The following HEPH variants were observed in gnomAD, a reference collection of about 807,000 sequenced individuals.
The protein encoded by HEPH is hephaestin.
In HEPH, 69 loss-of-function variants were observed where a neutral mutation model predicts 80.8. The ratio of observed to expected loss-of-function variants is 0.85; its 90% confidence interval spans 0.70 to 1.04. The LOEUF is 1.04. HEPH is among the 50% of genes least tolerant of loss of function. The pLI is 0.00. For missense variants in HEPH, 1,115 were observed against 891.3 expected, an observed-to-expected ratio of 1.25 and a Z score of -3.20; for synonymous variants, 431 against 322.8, an observed-to-expected ratio of 1.34 and a Z score of -3.60.
chrX:66,206,714 C>A (rs1050876445), intron 13 of HEPH, among the ~76,000 whole-genome samples: 2 of 109,713 alleles, frequency 1.8e-5, no homozygotes, highest in East Asian at 5.8e-4. Flanking sequence ...GGTGAGAAGT[C>A]TGACATTAGA....
chrX:66,251,035 C>T (rs1040912653), intron 15 of HEPH, among the ~76,000 whole-genome samples: 3 of 111,555 alleles, frequency 2.7e-5, no homozygotes, highest in Non-Finnish European at 5.7e-5. Flanking sequence ...AGGTGCCCAC[C>T]ACCACATTAA....
chrX:66,262,583 C>A (rs1052477884), intron 19 of HEPH, among the ~76,000 whole-genome samples: 1 of 111,868 alleles, frequency 8.9e-6, no homozygotes, highest in Admixed American at 9.5e-5. Flanking sequence ...ATAATCTTTA[C>A]AATTGTGTTA....
At chrX:66,166,838 T>A (rs1339143427) in intron 1 of HEPH, among the ~76,000 whole-genome samples, 1 of 112,198 alleles carries the variant, frequency 8.9e-6, no homozygotes, top group African/African-American at 3.2e-5. Flanking sequence ...TATATTCCTG[T>A]ATGCTTAGAA....
chrX:66,206,392 T>C, intron 13 of HEPH, among the ~76,000 whole-genome samples: 1 of 73,309 alleles, frequency 1.4e-5, no homozygotes, highest in African/African-American at 5.5e-5. Context: ...TGACAAAGCC[T>C]CACTCTGTTG....
intron 10 of HEPH, among the ~76,000 whole-genome samples, chrX:66,198,643 C>G (rs1421316387): frequency 9.0e-6 from 1 of 111,135 alleles, no homozygotes; most frequent in African/African-American, 3.3e-5. Flanking sequence ...CTTCCCTGCC[C>G]ACTTTCATAC....
In HEPH at chrX:66,266,878, G is replaced by C. The variant is rs2091556836; in HGVS notation, c.*206G>C. On this transcript the variant is annotated 3_prime_UTR_variant, in exon 21 of 21. Transcript: ENST00000343002. ...TTTTTCTTTAGTTTCTTTGCTCTAC[G>C]TGGGCACCTGGCACTAAGGGAGTAC... The C allele has an allele frequency of 2.5e-6, 1 of 404,818 alleles. No individual in the cohort carries two copies. The highest frequency in any genetic ancestry group is 4.3e-6 in the Non-Finnish European group (1 of 234,301). The allele number at this position is 404,818 out of a possible 1,213,427, so 33.4% of individuals were successfully genotyped here.
intron 19 of HEPH, among the ~76,000 whole-genome samples, chrX:66,261,256 C>T (rs184730117): frequency 4.5e-5 from 5 of 111,855 alleles, no homozygotes; most frequent in Middle Eastern, 4.6e-3. Flanking sequence ...AGAGATTGTC[C>T]TTCAGTTACA....
chrX:66,200,804 A>C, intron 12 of HEPH, 52 bp downstream of exon 12: 1 of 1,009,816 alleles, frequency 9.9e-7, no homozygotes, highest in South Asian at 2.1e-5. Flanking sequence ...TAGGGCCAGG[A>C]ATGGGGTCGG....
rs141102885 is a variant in HEPH, at chrX:66,166,803, C to G, written c.-14+2333C>G. ...TTCCAAGAAGAGAGTTCAGCTTGGG[C>G]TGTGTGCATTTTCATACCTATGTTT... On this transcript the variant is annotated intron_variant, in intron 1 of 20. Transcript: ENST00000343002. 6.3e-3 allele frequency among the ~76,000 whole-genome samples: 703 copies of G among 111,933 alleles called. 6 individuals are homozygous for G. Among genetic ancestry groups the G allele is most frequent in the African/African-American group, 0.021 (633 of 30,801 alleles).
At chrX:66,235,876 AGGAATGGAAT>A (rs754223073) in intron 15 of HEPH, among the ~76,000 whole-genome samples, 18 of 110,949 alleles carry the variant, frequency 1.6e-4, no homozygotes, top group Non-Finnish European at 2.8e-4. Flanking sequence ...GCAGTGTTTT[AGGAATGGAAT>A]GGAATGGAAT....
chrX:66,208,067 C>T (rs2088890406), intron 14 of HEPH, 48 bp from the exon 15 acceptor site: 2 of 993,421 alleles, frequency 2.0e-6, no homozygotes, highest in East Asian at 6.7e-5. Flanking sequence ...TCCCTGTGCT[C>T]CTGCATTAAT....
intron 11 of HEPH, among the ~76,000 whole-genome samples, chrX:66,199,670 C>T (rs1189027299): frequency 9.0e-6 from 1 of 111,711 alleles, no homozygotes; most frequent in Non-Finnish European, 1.9e-5. Flanking sequence ...AAGTAAATCA[C>T]CAGAAAGTAT....
At chrX:66,233,835 C>T (rs1478671618) in intron 15 of HEPH, among the ~76,000 whole-genome samples, 1 of 111,056 alleles carries the variant, frequency 9.0e-6, no homozygotes, top group Non-Finnish European at 1.9e-5. Flanking sequence ...ATTCACTGGT[C>T]AGTCATGATT....
At chrX:66,177,430 T>C (rs918919769) in intron 4 of HEPH, among the ~76,000 whole-genome samples, 5 of 111,949 alleles carry the variant, frequency 4.5e-5, no homozygotes, top group African/African-American at 1.6e-4. Context: ...AGGTACCTAA[T>C]TCTTCCTGGT....
chrX:66,219,657 C>T, intron 15 of HEPH, among the ~76,000 whole-genome samples: 1 of 111,617 alleles, frequency 9.0e-6, no homozygotes, highest in Non-Finnish European at 1.9e-5. Context: ...TCTCAGGGGG[C>T]CATGTATCAT....
intron 13 of HEPH, among the ~76,000 whole-genome samples, chrX:66,205,347 T>A (rs1425972206): frequency 1.8e-5 from 2 of 111,692 alleles, no homozygotes; most frequent in African/African-American, 3.3e-5. Flanking sequence ...GAGAACTTTT[T>A]TGTTTTCTGT....
intron 5 of HEPH, among the ~76,000 whole-genome samples, chrX:66,188,989 G>A (rs2087646467): frequency 8.9e-6 from 1 of 112,374 alleles, no homozygotes; most frequent in African/African-American, 3.2e-5. Flanking sequence ...ATCTCCCATC[G>A]TACTCTGTGC....
At chrX:66,179,163 T>C (rs1364521483) in intron 4 of HEPH, among the ~76,000 whole-genome samples, 8 of 112,427 alleles carry the variant, frequency 7.1e-5, no homozygotes, top group Non-Finnish European at 5.6e-5. Flanking sequence ...TTTCTACATA[T>C]GGCTAGCCAG....
At chrX:66,253,880 T>C (rs2091085097) in intron 15 of HEPH, among the ~76,000 whole-genome samples, 1 of 111,310 alleles carries the variant, frequency 9.0e-6, no homozygotes, top group Non-Finnish European at 1.9e-5. Context: ...GGAATGCCCC[T>C]AATGGACAAG....
Sources: allele counts gnomAD v4.1 joint callset (sites outside exome capture counted in the v4.1 genomes callset), GRCh38; gene constraint gnomAD v4.1.1; transcripts MANE v1.5; gene names NCBI Gene and HGNC (gene_info 2026-07-23, HGNC 2026-07-21).